The following KIAA0825 variants were observed in gnomAD, a reference collection of about 807,000 sequenced individuals.
The protein encoded by KIAA0825 is KIAA0825, also known as uncharacterized protein KIAA0825.
In KIAA0825, 119 loss-of-function variants were observed where a neutral mutation model predicts 147.6. That is an observed-to-expected ratio of 0.81 (90% CI 0.69 to 0.94). The LOEUF is 0.94. KIAA0825 is among the 40% of genes least tolerant of loss of function. The pLI is 0.00. For synonymous variants in KIAA0825, 470 were observed against 518.1 expected, an observed-to-expected ratio of 0.91 and a Z score of 1.26; for missense variants, 1,381 against 1,472.7, an observed-to-expected ratio of 0.94 and a Z score of 1.02.
At chr5:94,237,746 A>G (rs915441715) in intron 20 of KIAA0825, among the ~76,000 whole-genome samples, 2 of 152,210 alleles carry the variant, frequency 1.3e-5, no homozygotes, top group Admixed American at 1.3e-4. Context: ...CACAACAAGT[A>G]GTATTATAAT....
intron 10 of KIAA0825, among the ~76,000 whole-genome samples, chr5:94,465,835 G>T (rs932911061): frequency 3.3e-5 from 5 of 152,294 alleles, no homozygotes; most frequent in Non-Finnish European, 7.4e-5. Flanking sequence ...AATGGCCAAG[G>T]CCAAGGGGAA....
intron 1 of KIAA0825, among the ~76,000 whole-genome samples, chr5:94,600,087 A>G (rs1786097818): frequency 6.6e-6 from 1 of 152,272 alleles, no homozygotes; most frequent in African/African-American, 2.4e-5. Context: ...TAACATCATT[A>G]GAGAAATGCA....
At chr5:94,352,243 C>G (rs1783754465) in intron 20 of KIAA0825, among the ~76,000 whole-genome samples, 1 of 152,132 alleles carries the variant, frequency 6.6e-6, no homozygotes, top group Admixed American at 6.5e-5. Flanking sequence ...ACAATCCCAT[C>G]AAAAAGCGGG....
In KIAA0825 at chr5:94,477,111, C is replaced by T. The variant is rs77179804; in HGVS notation, c.1227G>A (p.Glu409=). 9,595 of 1,548,052 alleles carry T rather than the reference C, an allele frequency of 6.2e-3. 47 individuals carry two copies. Among genetic ancestry groups the T allele is most frequent in the Middle Eastern group, 0.023 (138 of 5,978 alleles). The change falls in exon 7 of 21, where the codon GAG becomes GAA. Residue 409 remains glutamate (E), a splice_region_variant and synonymous_variant. Transcript: ENST00000682413. ...AAACACTTCTTTTTCCTTCACTTACCTCTTTTCCTGGTAGTGATTGCTCGG... is the reference window on the plus strand; with the variant it reads ...AAACACTTCTTTTTCCTTCACTTACTTCTTTTCCTGGTAGTGATTGCTCGG... ...IPSEQSLPGK[E]ATLLDFGWRS...
chr5:94,290,734 A>G (rs534734942), intron 20 of KIAA0825, among the ~76,000 whole-genome samples: 1 of 152,260 alleles, frequency 6.6e-6, no homozygotes, highest in African/African-American at 2.4e-5. Context: ...GGTTGAACTA[A>G]TTTACACTCC....
In KIAA0825 at chr5:94,154,129, A is replaced by T. The variant is rs1766812080; in HGVS notation, c.3711-5T>A. 1 of 1,520,704 alleles carries T rather than the reference A, an allele frequency of 6.6e-7. No homozygotes were observed. The highest frequency in any genetic ancestry group is 8.9e-7 in the Non-Finnish European group (1 of 1,119,070). 94.2% of individuals were successfully genotyped at this position (1,520,704 alleles called of 1,614,324 possible). ...TCATCCTTCTTCATTTCCCACCTAA[A>T]AGAAAAATCACATCTTAGCATTTTT... On this transcript the variant is annotated splice_region_variant and splice_polypyrimidine_tract_variant and intron_variant, in intron 20 of 20. Coordinates refer to ENST00000682413, the MANE Select transcript of KIAA0825 (RefSeq NM_001145678.3).
At position 94,437,170 on chromosome 5, in the gene KIAA0825, T is replaced by C. The variant is rs577923017; in HGVS notation, c.2497+2812A>G. ...TACAAAATGGTACTCTGAAATATCA[T>C]GAGACTTTAAATCAAATAAAAATAA... On this transcript the variant is annotated intron_variant, in intron 14 of 20. Coordinates refer to ENST00000682413, the MANE Select transcript of KIAA0825 (RefSeq NM_001145678.3). Among the ~76,000 whole-genome samples, 7 of 152,314 alleles carry C rather than the reference T, an allele frequency of 4.6e-5. No individual in the cohort carries two copies. In the South Asian group the frequency reaches 1.2e-3, roughly 27 times the overall value.
chr5:94,317,352 C>G (rs1433792130), intron 20 of KIAA0825, among the ~76,000 whole-genome samples: 1 of 151,804 alleles, frequency 6.6e-6, no homozygotes, highest in Non-Finnish European at 1.5e-5. Flanking sequence ...TTTGAAAATA[C>G]AAAGCATGAA....
intron 2 of KIAA0825, among the ~76,000 whole-genome samples, chr5:94,575,730 T>G (rs1009799004): frequency 2.6e-5 from 4 of 152,176 alleles, no homozygotes; most frequent in African/African-American, 9.7e-5. Context: ...ATCAAAGGCT[T>G]TTCTGGTCTT....
At chr5:94,446,337 C>T (rs910561364) in intron 13 of KIAA0825, among the ~76,000 whole-genome samples, 2 of 151,974 alleles carry the variant, frequency 1.3e-5, no homozygotes, top group African/African-American at 4.8e-5. Flanking sequence ...TTTAAGTGAT[C>T]ATACAAATAA....
In KIAA0825 at chr5:94,520,910, A is replaced by C. The variant is rs1201807252; in HGVS notation, c.308T>G (p.Leu103Trp). The C allele has an allele frequency of 6.3e-7, 1 of 1,578,614 alleles. No homozygotes were observed. Among genetic ancestry groups the C allele is most frequent in the South Asian group, 1.1e-5 (1 of 88,864 alleles). ...TTCTTGATTTTGTTCATTCTTCAAC[A>C]AATCTTGCTAATGAAATTATAACAT... is the stretch of plus-strand genomic sequence containing the variant. ...LIKFFKTLQD[L>W]LKNEQNQEEM... Residue 103 changes from leucine to tryptophan, a missense_variant, in exon 5 of 21, where the codon TTG (leucine) becomes TGG (tryptophan). Transcript: ENST00000682413.
intron 1 of KIAA0825, among the ~76,000 whole-genome samples, chr5:94,608,483 A>AATATTTTTTATTATATATATT (rs1344255466): frequency 7.3e-5 from 1 of 13,752 alleles, no homozygotes; most frequent in Non-Finnish European, 1.3e-4. Context: ...TAATATATAT[A>AATATTTTTTATTATATATATT]TATATATAAT....
chr5:94,229,289 GT>G (rs1291859273), intron 20 of KIAA0825, among the ~76,000 whole-genome samples: 3 of 152,150 alleles, frequency 2.0e-5, no homozygotes, highest in Non-Finnish European at 4.4e-5. Context: ...CAAGTCTTTG[GT>G]TTTCAGTGTT....
chr5:94,539,807 A>AGGC (rs1165130877), intron 2 of KIAA0825, among the ~76,000 whole-genome samples: 3 of 152,060 alleles, frequency 2.0e-5, no homozygotes, highest in Admixed American at 6.5e-5. Flanking sequence ...TAGGGGTTAG[A>AGGC]GGCCCCTCTC....
chr5:94,471,506 A>G lies in KIAA0825; in HGVS notation c.1681T>C (p.Phe561Leu). Residue 561 changes from phenylalanine (F) to leucine (L), a missense_variant, in exon 9 of 21, where the codon TTC becomes CTC. Physicochemically the swap from Phe to Leu is conservative, Grantham distance 22. Coordinates refer to ENST00000682413, the MANE Select transcript of KIAA0825 (RefSeq NM_001145678.3). ...LSTAVYVFQH[F>L]KRYDNLMKEM... ...TTCATCAAATTATCATATCGCTTGA[A>G]ATGCTGGAAGACATACACCGCTGTG... 1 of 1,552,118 alleles carries G rather than the reference A, an allele frequency of 6.4e-7. No individual in the cohort carries two copies. Among genetic ancestry groups the G allele is most frequent in the Non-Finnish European group, 8.7e-7 (1 of 1,147,074 alleles).
intron 20 of KIAA0825, among the ~76,000 whole-genome samples, chr5:94,343,399 G>A (rs1274460791): frequency 6.6e-6 from 1 of 152,086 alleles, no homozygotes; most frequent in African/African-American, 2.4e-5. Context: ...CATTAAGAAG[G>A]TGAAAAGGAG....
intron 20 of KIAA0825, among the ~76,000 whole-genome samples, chr5:94,243,324 G>C (rs748615006): frequency 1.3e-5 from 2 of 152,180 alleles, no homozygotes; most frequent in Non-Finnish European, 2.9e-5. Flanking sequence ...TTATGATCCT[G>C]AATGGCAGGC....
intron 1 of KIAA0825, among the ~76,000 whole-genome samples, chr5:94,588,627 T>C (rs1473716417): frequency 6.6e-6 from 1 of 152,216 alleles, no homozygotes; most frequent in Non-Finnish European, 1.5e-5. Flanking sequence ...GAAGTCAGTG[T>C]GGTGATCCCT....
chr5:94,315,338 C>T (rs1398659990), intron 20 of KIAA0825, among the ~76,000 whole-genome samples: 1 of 151,488 alleles, frequency 6.6e-6, no homozygotes, highest in African/African-American at 2.4e-5. Context: ...AAATCAGAGG[C>T]CTAGAGGTAA....
Sources: gnomAD v4.1 joint callset for allele counts (sites outside exome capture counted in the v4.1 genomes callset) on GRCh38, gnomAD v4.1.1 for gene constraint, MANE v1.5 for transcripts, NCBI Gene and HGNC (gene_info 2026-07-23, HGNC 2026-07-21) for gene names.